Variants in MTMR10 observed in about 807,000 individuals in gnomAD.
The protein encoded by MTMR10 is myotubularin related protein 10, also known as myotubularin-related protein 10.
A neutral mutation model predicts 88.1 loss-of-function variants in MTMR10; 56 were observed. The ratio of observed to expected loss-of-function variants is 0.64; its 90% CI spans 0.51 to 0.79. The LOEUF (loss-of-function observed/expected upper bound fraction) is 0.79. MTMR10 is among the 30% of genes least tolerant of loss of function. MTMR10 has a pLI of 0.00. For synonymous variants in MTMR10, 380 were observed against 340.9 expected (o/e 1.11, Z -1.26); for missense variants, 883 against 924.7 (o/e 0.95, Z 0.58).
chr15:30,955,255 G>A (rs2141012933), intron 9 of MTMR10, among the ~76,000 whole-genome samples: 1 of 152,264 alleles, frequency 6.6e-6, no homozygotes, highest in South Asian at 2.1e-4. Flanking sequence ...GCAGTGCACA[G>A]AACAAATTAG....
chr15:30,962,103 G>A (rs2063409738), intron 6 of MTMR10, among the ~76,000 whole-genome samples: 1 of 152,082 alleles, frequency 6.6e-6, no homozygotes, highest in South Asian at 2.1e-4. Context: ...CTTGTTCTTT[G>A]CTAGAGTGCT....
intron 11 of MTMR10, 82 bp from the exon 12 acceptor site, chr15:30,952,120 A>G (rs1472914186): frequency 8.6e-7 from 1 of 1,163,368 alleles, no homozygotes; most frequent in Non-Finnish European, 1.3e-6. Flanking sequence ...AAGCAAATCT[A>G]ATTTCTCACT....
In MTMR10 at chr15:30,939,592, C is replaced by T. The variant is rs998688332; in HGVS notation, c.*1878G>A. The T allele has an allele frequency of 6.4e-6, 6 of 940,760 alleles. No individual in the cohort carries two copies. In the African/African-American group the frequency reaches 1.1e-4, roughly 17 times the overall value. 58.3% of individuals were successfully genotyped at this position (940,760 alleles called of 1,614,324 possible). A position where few individuals can be genotyped will look rare whatever the true frequency, so the allele number is the denominator to read the frequency against. On this transcript the variant is annotated 3_prime_UTR_variant, in exon 16 of 16. Coordinates refer to ENST00000435680, the MANE Select transcript of MTMR10 (RefSeq NM_017762.3). ...AAATATGCATTTTTCTATTTTTAAC[C>T]ATTATTAATAGTACCTAATATTTTT...
the MTMR10 span, chr15:30,930,818 G>A: frequency 3.1e-6 from 3 of 955,182 alleles, no homozygotes; most frequent in Admixed American, 2.4e-5. Context: ...CTGTGGGCCT[G>A]TCCCCTGCGA....
chr15:30,931,450 G>T, the MTMR10 span, among the ~76,000 whole-genome samples: 3 of 152,128 alleles, frequency 2.0e-5, no homozygotes, highest in Non-Finnish European at 4.4e-5. Flanking sequence ...CAACTTATTT[G>T]TTCTCTAGTG....
intron 14 of MTMR10, chr15:30,946,413 C>T (rs943335696): frequency 3.6e-6 from 1 of 274,780 alleles, no homozygotes; most frequent in Non-Finnish European, 6.8e-6. Flanking sequence ...ATGGGCCTAG[C>T]ACTTTTCCCA....
At chr15:30,948,205 A>G in intron 13 of MTMR10, 97 bp downstream of exon 13, 1 of 1,156,892 alleles carries the variant, frequency 8.6e-7, no homozygotes. Context: ...GTTGTACTAA[A>G]TACAGTATTT....
At chr15:30,956,455 CA>C (rs1234846381) in intron 9 of MTMR10, 2 of 152,170 alleles carry the variant, frequency 1.3e-5, no homozygotes, top group Non-Finnish European at 2.9e-5. Flanking sequence ...TACTTTAGGT[CA>C]CATGGTGAAA....
rs573485148 is a variant in MTMR10 at position 30,944,554 on chromosome 15, A to T, written c.1549-1482T>A. ...GTGCTCCAGCCTGGGTGATAGAGCA[A>T]GACTCTGTCTCAAAAAAAAAAAAAA... On this transcript the variant is annotated intron_variant, in intron 14 of 15. Coordinates refer to ENST00000435680, the MANE Select transcript of MTMR10 (RefSeq NM_017762.3). Among the ~76,000 whole-genome samples, 568 of 150,066 alleles carry T rather than the reference A, an allele frequency of 3.8e-3. 8 individuals are homozygous for T. The highest frequency in any genetic ancestry group is 0.023 in the Admixed American group (348 of 15,114).
rs2063127988 is a variant in MTMR10 at position 30,943,982 on chromosome 15, C to G, written c.1549-910G>C. On this transcript the variant is annotated intron_variant, in intron 14 of 15. Coordinates refer to ENST00000435680, the MANE Select transcript of MTMR10 (RefSeq NM_017762.3). ...GCTGGATGATGGGAAATGTCTGATT[C>G]TTTGTTCTGTACCTTTCAGTACTCT... 24 of 985,298 alleles carry G rather than the reference C, an allele frequency of 2.4e-5. 1 individual carries two copies. The South Asian group carries it at 8.9e-4, about 37-fold the overall frequency. The allele number at this position is 985,298 out of a possible 1,614,324, so 61.0% of individuals were successfully genotyped here.
intron 11 of MTMR10, 130 bp downstream of exon 11, chr15:30,953,432 G>T (rs962447894): frequency 5.9e-6 from 4 of 678,278 alleles, no homozygotes; most frequent in African/African-American, 1.8e-5. Flanking sequence ...CTAGTTACGA[G>T]ATGTTACTAT....
chr15:30,986,622 T>A (rs2030956637), intron 2 of MTMR10, among the ~76,000 whole-genome samples: 3 of 152,190 alleles, frequency 2.0e-5, no homozygotes, highest in Admixed American at 1.3e-4. Context: ...GACAATCTTT[T>A]AAATCAAATA....
chr15:30,920,995 G>T, the MTMR10 span, among the ~76,000 whole-genome samples: 1 of 152,172 alleles, frequency 6.6e-6, no homozygotes, highest in Non-Finnish European at 1.5e-5. Flanking sequence ...TGTTGCTCAG[G>T]CTGATCTCGA....
At chr15:30,959,985 T>C (rs925310739) in intron 7 of MTMR10, among the ~76,000 whole-genome samples, 1 of 152,054 alleles carries the variant, frequency 6.6e-6, no homozygotes, top group Non-Finnish European at 1.5e-5. Flanking sequence ...TTTGGAAAAA[T>C]GTTAAGTAAA....
intron 2 of MTMR10, among the ~76,000 whole-genome samples, chr15:30,982,757 G>C (rs1167873986): frequency 6.6e-6 from 1 of 152,186 alleles, no homozygotes; most frequent in Non-Finnish European, 1.5e-5. Context: ...TGCAGAACCA[G>C]TCTTTAAAAT....
At chr15:30,979,835 T>C (rs2030436528) in intron 2 of MTMR10, among the ~76,000 whole-genome samples, 1 of 152,236 alleles carries the variant, frequency 6.6e-6, no homozygotes, top group Non-Finnish European at 1.5e-5. Flanking sequence ...ATATACTTAA[T>C]GGGTCCAACG....
chr15:30,989,809 T>A (rs2031190195), intron 2 of MTMR10, among the ~76,000 whole-genome samples: 2 of 151,948 alleles, frequency 1.3e-5, no homozygotes, highest in African/African-American at 4.8e-5. Context: ...ATGGTCTCGG[T>A]CTCTTGACCA....
intron 9 of MTMR10, among the ~76,000 whole-genome samples, chr15:30,957,540 T>C (rs903503912): frequency 1.3e-5 from 2 of 152,258 alleles, no homozygotes; most frequent in East Asian, 1.9e-4. Flanking sequence ...CTGGCCGACA[T>C]GGTGAAATCT....
chr15:30,958,544 T>C (rs2063357790), intron 9 of MTMR10, among the ~76,000 whole-genome samples: 1 of 152,238 alleles, frequency 6.6e-6, no homozygotes, highest in Admixed American at 6.5e-5. Flanking sequence ...CAAGAAAAGT[T>C]TGATTTATCC....
Sources: allele counts gnomAD v4.1 joint callset (sites outside exome capture counted in the v4.1 genomes callset), GRCh38; gene constraint gnomAD v4.1.1; transcripts MANE v1.5; gene names NCBI Gene and HGNC (gene_info 2026-07-23, HGNC 2026-07-21).